LACRT: variants seen among roughly 807,000 people sequenced by gnomAD.
LACRT encodes the protein lacritin, also known as extracellular glycoprotein lacritin.
Under a neutral mutation model 14.5 loss-of-function variants are expected in LACRT, and 14 were observed. The ratio of observed to expected loss-of-function variants is 0.96; its 90% confidence interval spans 0.64 to 1.51. The LOEUF (loss-of-function observed/expected upper bound fraction) is 1.51, where lower values mean the gene tolerates loss of function less well. Ranked by LOEUF, LACRT falls within the 40% of genes most tolerant of loss-of-function variation. LACRT has a pLI of 0.00. For missense variants in LACRT, 156 were observed against 161.8 expected (o/e 0.96, Z 0.19); for synonymous variants, 70 against 63.5 (o/e 1.10, Z -0.48).
chr12:54,633,272 G>A (rs764937329), intron 1 of LACRT, 39 bp from the exon 2 acceptor site: 76 of 1,592,016 alleles, frequency 4.8e-5, no homozygotes, highest in Non-Finnish European at 6.4e-5. Flanking sequence ...AGCAAGGACC[G>A]AACCGGACCT....
At position 54,632,269 on chromosome 12, in the gene LACRT, G is replaced by C; in HGVS notation, c.225C>G (p.Thr75=). The change falls in exon 3 of 5, where the codon ACC becomes ACG. Residue 75 remains threonine (T), a synonymous_variant. Transcript: ENST00000257867. ...AAAVQGTAKV[T]SSRQELNPLK... The stretch of plus-strand genomic sequence containing the variant: ...GGGGGTTTAGTTCCTGCCTGCTTGA[G>C]GTGACCTTGGCTGTCCCCTGAACTG... The C allele has an allele frequency of 1.9e-6, 3 of 1,614,116 alleles. No individual in the cohort carries two copies. Among genetic ancestry groups the C allele is most frequent in the Non-Finnish European group, 2.5e-6 (3 of 1,180,006 alleles).
Position 54,634,889 on chromosome 12 carries a change from G to A in LACRT, c.-48C>T. 6.7e-7 allele frequency: 1 copy of A among 1,495,128 alleles called. No homozygotes were observed. Among genetic ancestry groups the A allele is most frequent in the Non-Finnish European group, 9.3e-7 (1 of 1,071,870 alleles). The allele number at this position is 1,495,128 out of a possible 1,614,324, so 92.6% of individuals were successfully genotyped here. On this transcript the variant is annotated 5_prime_UTR_variant, in exon 1 of 5. Coordinates refer to ENST00000257867, the MANE Select transcript of LACRT (RefSeq NM_033277.2). ...TAACCACAGAATCTGCAGAAGGTCT[G>A]GGGAATAAGGATGCTGAAATTGCTG...
rs1463714207 is a variant in LACRT, at chr12:54,633,234, C to G, written c.59-1G>C. On this transcript the variant is annotated splice_acceptor_variant, in intron 1 of 4. Coordinates refer to ENST00000257867, the MANE Select transcript of LACRT (RefSeq NM_033277.2). LOFTEE classifies it high-confidence loss of function. ...CCCGTCGAGTCAGAGGAGGCATCTT[C>G]TGCAATGGGGGAAACATGCCAGATG... 6.2e-7 allele frequency: 1 copy of G among 1,613,766 alleles called. No homozygotes were observed. The highest frequency in any genetic ancestry group is 1.1e-5 in the South Asian group (1 of 91,048).
chr12:54,632,015 G>C, intron 3 of LACRT, 176 bp from the exon 4 acceptor site: 1 of 669,174 alleles, frequency 1.5e-6, no homozygotes, highest in Non-Finnish European at 2.5e-6. Context: ...CTCATAGGAA[G>C]TTGTGTGAGC....
Position 54,632,284 on chromosome 12 carries a change from C to T in LACRT, c.210G>A (p.Gly70=), listed in dbSNP as rs181595624. The change falls in exon 3 of 5, where the codon GGG becomes GGA. Residue 70 remains glycine, a synonymous_variant. Transcript: ENST00000257867. ...AQETSAAAVQ[G]TAKVTSSRQE... is the part of the protein sequence containing the mutation. ...GCCTGCTTGAGGTGACCTTGGCTGT[C>T]CCCTGAACTGCTGCCGCCGAAGTCT... 6.2e-7 allele frequency: 1 copy of T among 1,613,988 alleles called. No homozygotes were observed. The highest frequency in any genetic ancestry group is 1.7e-5 in the Admixed American group (1 of 59,994).
chr12:54,630,979 G>A (rs1243808310), intron 4 of LACRT, 26 bp from the exon 5 acceptor site: 8 of 1,508,538 alleles, frequency 5.3e-6, no homozygotes, highest in East Asian at 4.5e-5. Flanking sequence ...AGACAAATGA[G>A]GCTTTTAGGA....
intron 1 of LACRT, among the ~76,000 whole-genome samples, chr12:54,634,471 CACCCTCGTGTA>C (rs1958175115): frequency 6.6e-6 from 1 of 152,136 alleles, no homozygotes; most frequent in Admixed American, 6.5e-5. Flanking sequence ...CTTGCCTGGG[CACCCTCGTGTA>C]GGGGACACCC....
In LACRT at chr12:54,630,897, C is replaced by A. The variant is rs747407573; in HGVS notation, c.412G>T (p.Ala138Ser). The change falls in exon 5 of 5, where the codon GCA becomes TCA. Residue 138 changes from alanine (A) to serine (S), a missense_variant. Ala to Ser is a moderately conservative substitution (Grantham distance 99, BLOSUM62 1). Transcript: ENST00000257867. ...ATCCCATTCTTTTCAGCTTCTCATG[C>A]CCATGGTTTTAATAGACTGAATTTC... ...LKKFSLLKPW[A>S] is the part of the protein sequence containing the mutation. 3 of 1,607,126 alleles carry A rather than the reference C, an allele frequency of 1.9e-6. No homozygotes were observed. The highest frequency in any genetic ancestry group is 2.6e-6 in the Non-Finnish European group (3 of 1,173,786).
intron 3 of LACRT, 112 bp from the exon 4 acceptor site, chr12:54,631,951 T>C: frequency 2.0e-6 from 1 of 511,502 alleles, no homozygotes; most frequent in Non-Finnish European, 3.4e-6. Context: ...CAGGACATCA[T>C]CCCTACAGAA....
rs371322713 is a variant in LACRT, at chr12:54,634,850, A to G, written c.-9T>C. 7.5e-5 allele frequency: 121 copies of G among 1,610,126 alleles called. No individual in the cohort carries two copies. Among genetic ancestry groups the G allele is most frequent in the Middle Eastern group, 6.6e-4 (4 of 6,068 alleles). ...AGAGTGGTAAATTTCATTCTTTGGG[A>G]TGAGGAGTGAGTATAACCACAGAAT... On this transcript the variant is annotated 5_prime_UTR_variant, in exon 1 of 5. Coordinates refer to ENST00000257867, the MANE Select transcript of LACRT (RefSeq NM_033277.2).
At chr12:54,631,184 G>A (rs1415622754) in intron 4 of LACRT, among the ~76,000 whole-genome samples, 2 of 152,208 alleles carry the variant, frequency 1.3e-5, no homozygotes, top group Non-Finnish European at 2.9e-5. Context: ...GCTCTGCTGC[G>A]GGAAGGTAGG....
Position 54,634,847 on chromosome 12 carries a change from G to A in LACRT, c.-6C>T, listed in dbSNP as rs747457688. On this transcript the variant is annotated 5_prime_UTR_variant, in exon 1 of 5. Transcript: ENST00000257867. ...AGGAGAGTGGTAAATTTCATTCTTT[G>A]GGATGAGGAGTGAGTATAACCACAG... 6.2e-7 allele frequency: 1 copy of A among 1,611,258 alleles called. No individual in the cohort carries two copies. Among genetic ancestry groups the A allele is most frequent in the Non-Finnish European group, 8.5e-7 (1 of 1,177,484 alleles).
chr12:54,634,722 G>A (rs569882159), intron 1 of LACRT, 62 bp downstream of exon 1: 2 of 1,439,910 alleles, frequency 1.4e-6, no homozygotes, highest in African/African-American at 2.8e-5. Flanking sequence ...GTGAAGGCAG[G>A]AGTGAGGGGC....
Position 54,632,237 on chromosome 12 carries a change from T to C in LACRT, c.253+4A>G. ...GTTGATCTGGCATAGAGACAGAGACTTACTCAGGGGGTTTAGTTCCTGCCT... is the reference window on the plus strand; with the variant it reads ...GTTGATCTGGCATAGAGACAGAGACCTACTCAGGGGGTTTAGTTCCTGCCT... On this transcript the variant is annotated splice_donor_region_variant and intron_variant, in intron 3 of 4. Transcript: ENST00000257867. The C allele has an allele frequency of 6.2e-7, 1 of 1,614,012 alleles. No individual in the cohort carries two copies. Among genetic ancestry groups the C allele is most frequent in the Non-Finnish European group, 8.5e-7 (1 of 1,179,926 alleles).
In LACRT at chr12:54,634,799, C is replaced by A. The variant is rs529653721; in HGVS notation, c.43G>T (p.Ala15Ser). 9 of 1,613,724 alleles carry A rather than the reference C, an allele frequency of 5.6e-6. No individual in the cohort carries two copies. The Admixed American group carries it at 1.0e-4, about 18-fold the overall frequency. ...TLLFLAAVAG[A>S]LVYAEDASSD... ...CCATACTCACCAGCATAGACCAGGG[C>A]CCCTGCTACAGCTGCCAAGAAGAGG... Residue 15 changes from alanine to serine, a missense_variant, in exon 1 of 5, where the codon GCC (alanine) becomes TCC (serine). Coordinates refer to ENST00000257867, the MANE Select transcript of LACRT (RefSeq NM_033277.2).
Position 54,634,847 on chromosome 12 carries a change from G to C in LACRT, c.-6C>G. 1.9e-6 allele frequency: 3 copies of C among 1,611,258 alleles called. No homozygotes were observed. The highest frequency in any genetic ancestry group is 2.5e-6 in the Non-Finnish European group (3 of 1,177,484). Reference sequence around the variant, plus strand: ...AGGAGAGTGGTAAATTTCATTCTTTGGGATGAGGAGTGAGTATAACCACAG... The same window carrying C: ...AGGAGAGTGGTAAATTTCATTCTTTCGGATGAGGAGTGAGTATAACCACAG... On this transcript the variant is annotated 5_prime_UTR_variant, in exon 1 of 5. Coordinates refer to ENST00000257867, the MANE Select transcript of LACRT (RefSeq NM_033277.2).
rs1181516785 is a variant in LACRT at position 54,633,090 on chromosome 12, C to T, written c.112+90G>A. Reference sequence around the variant, plus strand: ...CCAAGCACAGAATCCAGATCTCCTCCCACTGGCTTCTTCTCCCAGCCACCA... The same window carrying T: ...CCAAGCACAGAATCCAGATCTCCTCTCACTGGCTTCTTCTCCCAGCCACCA... On this transcript the variant is annotated intron_variant, in intron 2 of 4. Coordinates refer to ENST00000257867, the MANE Select transcript of LACRT (RefSeq NM_033277.2). 2.5e-6 allele frequency: 3 copies of T among 1,217,178 alleles called. No homozygotes were observed. The African/African-American group carries it at 4.5e-5, about 18-fold the overall frequency. 75.4% of individuals were successfully genotyped at this position (1,217,178 alleles called of 1,614,324 possible).
chr12:54,632,428 T>C (rs1565724823), intron 2 of LACRT, 47 bp from the exon 3 acceptor site: 1 of 1,607,452 alleles, frequency 6.2e-7, no homozygotes, highest in South Asian at 1.1e-5. Context: ...AAAGTGTTTG[T>C]TTCTTTTGGA....
chr12:54,632,421 G>T (rs984007095), intron 2 of LACRT, 40 bp from the exon 3 acceptor site: 10 of 1,608,782 alleles, frequency 6.2e-6, no homozygotes, highest in African/African-American at 1.3e-5. Flanking sequence ...CAAAGTGAAA[G>T]TGTTTGTTTC....
Sources: allele counts gnomAD v4.1 joint callset (sites outside exome capture counted in the v4.1 genomes callset), GRCh38; gene constraint gnomAD v4.1.1; transcripts MANE v1.5; gene names NCBI Gene and HGNC (gene_info 2026-07-23, HGNC 2026-07-21).